Variants in LRBA observed in about 807,000 individuals in gnomAD.
LRBA encodes LPS responsive beige-like anchor protein.
LRBA carries 176 observed loss-of-function variants against 330.0 expected under a neutral mutation model. The observed-to-expected ratio is 0.53, with a 90% CI of 0.47 to 0.60. LRBA has a LOEUF of 0.60. LRBA is among the 20% of genes least tolerant of loss of function. The pLI, the probability that LRBA is intolerant of heterozygous loss-of-function variation, is 0.00. For synonymous variants in LRBA, 1,230 were observed against 1,193.0 expected (o/e 1.03, Z -0.64); for missense variants, 3,259 against 3,444.8 (o/e 0.95, Z 1.35).
intron 47 of LRBA, among the ~76,000 whole-genome samples, chr4:150,409,271 T>C (rs1746627162): frequency 6.6e-6 from 1 of 152,062 alleles, no homozygotes; most frequent in Admixed American, 6.6e-5. Context: ...TCAACCCTGC[T>C]AAACTTTGAT....
intron 39 of LRBA, among the ~76,000 whole-genome samples, chr4:150,590,361 C>CAA (rs5862927): frequency 0.058 from 7,125 of 122,744 alleles, 269 homozygotes; most frequent in East Asian, 0.18. Context: ...GCTTTATTTA[C>CAA]AAAAAAAAAA....
At chr4:150,896,764 C>A (rs1730127207) in intron 15 of LRBA, among the ~76,000 whole-genome samples, 1 of 151,866 alleles carries the variant, frequency 6.6e-6, no homozygotes. Context: ...AAAGTAATAT[C>A]CACACCTACT....
At chr4:150,280,571 C>T (rs576798414) in intron 55 of LRBA, among the ~76,000 whole-genome samples, 1 of 152,332 alleles carries the variant, frequency 6.6e-6, no homozygotes, top group East Asian at 1.9e-4. Context: ...AACCAAAATG[C>T]CACAGAGCAA....
rs1400828050 is a variant in LRBA at position 150,706,631 on chromosome 4, C to CA, written c.5755-22915dup. Among the ~76,000 whole-genome samples, 14 of 150,408 alleles carry CA rather than the reference C, an allele frequency of 9.3e-5. No individual in the cohort carries two copies. The East Asian group carries it at 2.5e-3, about 27-fold the overall frequency. On this transcript the variant is annotated intron_variant, in intron 36 of 56. Coordinates refer to ENST00000651943, the MANE Select transcript of LRBA (RefSeq NM_001364905.1). ...AAAAAATTTAACTTCTGTAAGGCAA[C>CA]AAAAAATACCATCATAACTAAACAA...
intron 47 of LRBA, among the ~76,000 whole-genome samples, chr4:150,386,814 G>A (rs1351413911): frequency 1.3e-5 from 2 of 152,132 alleles, no homozygotes; most frequent in African/African-American, 4.8e-5. Context: ...TGGTGTGTCT[G>A]CCTCTAGGTC....
chr4:150,871,370 A>G lies in LRBA; in HGVS notation c.2342T>C (p.Met781Thr), dbSNP rs1753421969. The change falls in exon 19 of 57, where the codon ATG (methionine) becomes ACG (threonine). Residue 781 changes from methionine (M) to threonine (T), a missense_variant. Transcript: ENST00000651943. ...CTCAAACAGCACATTATATGTGGTC[A>G]TTGTGATTAAATTTGTCTGAAGCAT... Reference protein sequence around the residue: ...RLMLQTNLITMTTYNVLFEIL... With the variant: ...RLMLQTNLITTTTYNVLFEIL... 6.2e-7 allele frequency: 1 copy of G among 1,609,994 alleles called. No individual in the cohort carries two copies. Among genetic ancestry groups the G allele is most frequent in the South Asian group, 1.1e-5 (1 of 90,858 alleles).
intron 36 of LRBA, among the ~76,000 whole-genome samples, chr4:150,695,117 A>G (rs1784513904): frequency 1.3e-5 from 2 of 152,224 alleles, no homozygotes; most frequent in Admixed American, 1.3e-4. Context: ...TCCTTCAACA[A>G]TGCAAACACA....
At chr4:150,336,845 A>G (rs1734818220) in intron 48 of LRBA, among the ~76,000 whole-genome samples, 1 of 152,182 alleles carries the variant, frequency 6.6e-6, no homozygotes, top group Non-Finnish European at 1.5e-5. Context: ...GTCAGAGCAG[A>G]CACAACCAAC....
chr4:150,527,940 T>C lies in LRBA; in HGVS notation c.6331-36905A>G, dbSNP rs550677233. Among the ~76,000 whole-genome samples the C allele has an allele frequency of 3.9e-5, 6 of 152,356 alleles. No homozygotes were observed. In the South Asian group the frequency reaches 1.0e-3, roughly 26 times the overall value. On this transcript the variant is annotated intron_variant, in intron 40 of 56. Transcript: ENST00000651943. The stretch of plus-strand genomic sequence containing the variant: ...TCCTGTACTATCACATTTCTTGAAA[T>C]CCAGCAATGATTTCCCATTGGTTCT...
In LRBA at chr4:150,555,756, A is replaced by AACACACACACACAC. The variant is rs34497958; in HGVS notation, c.6330+32278_6330+32291dup. Among the ~76,000 whole-genome samples the AACACACACACACAC allele has an allele frequency of 1.9e-3, 278 of 144,698 alleles. 4 individuals carry two copies. The East Asian group carries it at 0.026, about 13-fold the overall frequency. The allele number at this position is 144,698 out of a possible 152,430, so 94.9% of individuals were successfully genotyped here. A position where few individuals can be genotyped will look rare whatever the true frequency, so the allele number is the denominator to read the frequency against. On this transcript the variant is annotated intron_variant, in intron 40 of 56. Transcript: ENST00000651943. ...ACAGAGTGAGACTCTGTCTTATAAA[A>AACACACACACACAC]ACACACACACACACACACACACACA...
chr4:150,631,547 G>C (rs149554995), intron 37 of LRBA, among the ~76,000 whole-genome samples: 2 of 152,068 alleles, frequency 1.3e-5, no homozygotes, highest in Non-Finnish European at 2.9e-5. Context: ...CTTAAATTTC[G>C]ATATGTATTA....
intron 37 of LRBA, among the ~76,000 whole-genome samples, chr4:150,658,400 A>C (rs1393352367): frequency 6.6e-6 from 1 of 150,942 alleles, no homozygotes; most frequent in Non-Finnish European, 1.5e-5. Context: ...TTATTAGATA[A>C]ATATGCCTTC....
At chr4:150,983,450 T>C (rs1343116970) in intron 2 of LRBA, among the ~76,000 whole-genome samples, 1 of 76,368 alleles carries the variant, frequency 1.3e-5, no homozygotes, top group African/African-American at 5.4e-5. Flanking sequence ...GCAAGCACTC[T>C]TTTTTTTTTT....
chr4:150,697,112 G>A (rs1473389574), intron 36 of LRBA, among the ~76,000 whole-genome samples: 1 of 151,070 alleles, frequency 6.6e-6, no homozygotes, highest in African/African-American at 2.4e-5. Flanking sequence ...GGATCATGAG[G>A]TCAGGAGTTC....
Position 150,350,126 on chromosome 4 carries a change from G to A in LRBA, c.7228C>T (p.His2410Tyr), listed in dbSNP as rs761748510. The change falls in exon 48 of 57, where the codon CAC becomes TAC. Residue 2410 changes from histidine (H) to tyrosine (Y), a missense_variant. By Grantham distance (83) the His-to-Tyr change is moderately conservative (BLOSUM62 2). Transcript: ENST00000651943. ...LESEFVSCQL[H>Y]QWIDLIFGYK... Reference sequence around the variant, plus strand: ...CCAAAAATGAGATCAATCCATTGGTGAAGCTGGCAGGAAACAAATTCACTC... The same window carrying A: ...CCAAAAATGAGATCAATCCATTGGTAAAGCTGGCAGGAAACAAATTCACTC... The A allele has an allele frequency of 1.9e-6, 3 of 1,594,702 alleles. No homozygotes were observed. Among genetic ancestry groups the A allele is most frequent in the Non-Finnish European group, 2.6e-6 (3 of 1,172,930 alleles).
At chr4:150,279,430 C>T (rs1053597607) in intron 55 of LRBA, among the ~76,000 whole-genome samples, 3 of 152,170 alleles carry the variant, frequency 2.0e-5, no homozygotes, top group African/African-American at 7.2e-5. Flanking sequence ...CCTGTAATCG[C>T]ATGTCCACCT....
intron 34 of LRBA, among the ~76,000 whole-genome samples, chr4:150,785,018 G>T (rs1738840436): frequency 6.6e-6 from 1 of 152,152 alleles, no homozygotes; most frequent in Admixed American, 6.5e-5. Context: ...TTGCAATAGA[G>T]AAAAAATCGT....
At chr4:150,843,453 T>C (rs1749398877) in intron 28 of LRBA, among the ~76,000 whole-genome samples, 2 of 152,218 alleles carry the variant, frequency 1.3e-5, no homozygotes, top group African/African-American at 4.8e-5. Context: ...ATACTTTCTA[T>C]ATGACTTTAA....
chr4:150,426,743 A>G (rs1280490280), intron 46 of LRBA, among the ~76,000 whole-genome samples: 1 of 151,910 alleles, frequency 6.6e-6, no homozygotes, highest in Non-Finnish European at 1.5e-5. Flanking sequence ...ACTTTCAAAA[A>G]TATATATGCC....
Sources: allele counts gnomAD v4.1 joint callset (sites outside exome capture counted in the v4.1 genomes callset), GRCh38; gene constraint gnomAD v4.1.1; transcripts MANE v1.5; gene names NCBI Gene and HGNC (gene_info 2026-07-23, HGNC 2026-07-21).